Variants in GPM6A observed in about 807,000 individuals in gnomAD.
GPM6A encodes the protein neuronal membrane glycoprotein M6-a.
In GPM6A, 7 loss-of-function variants were observed where a neutral mutation model predicts 32.1. The ratio of observed to expected loss-of-function variants is 0.22; its 90% confidence interval spans 0.12 to 0.41. GPM6A has a LOEUF of 0.41. Ranked by LOEUF, GPM6A falls within the 10% of genes least tolerant of loss-of-function variation. GPM6A has a pLI of 1.00. For missense variants in GPM6A, 235 were observed against 347.2 expected, an observed-to-expected ratio of 0.68 and a Z score of 2.57; for synonymous variants, 130 against 123.4, an observed-to-expected ratio of 1.05 and a Z score of -0.35.
chr4:175,694,010 G>A (rs66490831), intron 2 of GPM6A, among the ~76,000 whole-genome samples: 8,480 of 152,154 alleles, frequency 0.056, 290 homozygotes, highest in Non-Finnish European at 0.075. Flanking sequence ...TGCTCTGGCC[G>A]TGTAAGATAG....
intron 1 of GPM6A, among the ~76,000 whole-genome samples, chr4:175,914,557 A>T (rs113501334): frequency 1.3e-5 from 2 of 152,200 alleles, no homozygotes; most frequent in African/African-American, 4.8e-5. Context: ...TCCTGATCTC[A>T]AGTGATCTGC....
rs1326390233 is a variant in GPM6A at position 175,632,950 on chromosome 4, A to G, written c.*1955T>C. On this transcript the variant is annotated 3_prime_UTR_variant, in exon 7 of 7. Coordinates refer to ENST00000393658, the MANE Select transcript of GPM6A (RefSeq NM_201591.3). ...CACTGCAGAAGCTAATAATAAGTACACAAAGTACACAAGTGTATTTATTAC... is the reference window on the plus strand; with the variant it reads ...CACTGCAGAAGCTAATAATAAGTACGCAAAGTACACAAGTGTATTTATTAC... 1 of 152,380 alleles carries G rather than the reference A, an allele frequency of 6.6e-6. No homozygotes were observed. The highest frequency in any genetic ancestry group is 2.4e-5 in the African/African-American group (1 of 41,446). The allele number at this position is 152,380 out of a possible 1,614,324, so 9.4% of individuals were successfully genotyped here. A position where few individuals can be genotyped will look rare whatever the true frequency, so the allele number is the denominator to read the frequency against.
intron 1 of GPM6A, among the ~76,000 whole-genome samples, chr4:175,860,102 T>C (rs1258715741): frequency 3.3e-5 from 5 of 151,370 alleles, no homozygotes; most frequent in African/African-American, 7.3e-5. Flanking sequence ...AGAAGAAAGA[T>C]CTAAAATAAA....
At chr4:175,678,941 G>A (rs1292243711) in intron 2 of GPM6A, among the ~76,000 whole-genome samples, 1 of 152,080 alleles carries the variant, frequency 6.6e-6, no homozygotes, top group Non-Finnish European at 1.5e-5. Context: ...TTACTTGATT[G>A]TTTTCTCTGG....
intron 1 of GPM6A, among the ~76,000 whole-genome samples, chr4:175,838,139 ACG>A (rs903365315): frequency 8.4e-5 from 12 of 142,960 alleles, no homozygotes; most frequent in South Asian, 4.7e-4. Context: ...ACACACACAC[ACG>A]CACCCCTGTA....
At chr4:175,804,554 T>A (rs956710858) in intron 1 of GPM6A, among the ~76,000 whole-genome samples, 1 of 152,232 alleles carries the variant, frequency 6.6e-6, no homozygotes, top group African/African-American at 2.4e-5. Context: ...TAATCAATAT[T>A]TATTAACTAG....
intron 1 of GPM6A, among the ~76,000 whole-genome samples, chr4:175,879,721 CA>C (rs2111454806): frequency 6.6e-6 from 1 of 152,134 alleles, no homozygotes; most frequent in Admixed American, 6.6e-5. Flanking sequence ...AAATAGTAGG[CA>C]AAATGGCCTT....
At chr4:175,864,640 C>T (rs1736674905) in intron 1 of GPM6A, among the ~76,000 whole-genome samples, 2 of 152,066 alleles carry the variant, frequency 1.3e-5, no homozygotes, top group South Asian at 4.1e-4. Context: ...TTTTTAAATT[C>T]GATTAATTCC....
chr4:175,706,903 C>T (rs754037673), intron 1 of GPM6A, among the ~76,000 whole-genome samples: 1 of 152,166 alleles, frequency 6.6e-6, no homozygotes, highest in Non-Finnish European at 1.5e-5. Flanking sequence ...TCTGGTCATC[C>T]TCATGGGTCA....
At chr4:175,648,701 C>T (rs963360606) in intron 4 of GPM6A, among the ~76,000 whole-genome samples, 9 of 152,154 alleles carry the variant, frequency 5.9e-5, no homozygotes, top group Non-Finnish European at 1.3e-4. Flanking sequence ...ACCCACATGC[C>T]TTGGCTCTTG....
intron 1 of GPM6A, among the ~76,000 whole-genome samples, chr4:175,702,429 CGTAA>C (rs1204387579): frequency 1.3e-5 from 2 of 152,150 alleles, no homozygotes; most frequent in African/African-American, 2.4e-5. Context: ...ATTCTTTTTA[CGTAA>C]GTGTGTTTTT....
chr4:175,799,584 G>A (rs891027903), intron 1 of GPM6A, among the ~76,000 whole-genome samples: 18 of 151,986 alleles, frequency 1.2e-4, no homozygotes, highest in African/African-American at 4.3e-4. Flanking sequence ...AAGTAAAAAT[G>A]GAAATATTGG....
At chr4:175,985,513 C>T (rs1429002238) in intron 1 of GPM6A, among the ~76,000 whole-genome samples, 2 of 152,046 alleles carry the variant, frequency 1.3e-5, no homozygotes, top group African/African-American at 4.8e-5. Flanking sequence ...TTGATTAATG[C>T]CAAATTTGCC....
At chr4:175,829,060 A>G (rs1041758661) in intron 1 of GPM6A, among the ~76,000 whole-genome samples, 1 of 152,128 alleles carries the variant, frequency 6.6e-6, no homozygotes, top group Non-Finnish European at 1.5e-5. Context: ...AGTAGCTGGA[A>G]CTACAAGCAT....
At chr4:175,708,153 A>G (rs1377460219) in intron 1 of GPM6A, among the ~76,000 whole-genome samples, 1 of 152,184 alleles carries the variant, frequency 6.6e-6, no homozygotes, top group Non-Finnish European at 1.5e-5. Context: ...GGTGCAAGCA[A>G]GATTATAAAC....
At chr4:175,819,512 G>A (rs543727995) in intron 1 of GPM6A, among the ~76,000 whole-genome samples, 1 of 152,204 alleles carries the variant, frequency 6.6e-6, no homozygotes, top group East Asian at 1.9e-4. Context: ...CATGTGTGAG[G>A]CATTGTTCTA....
chr4:175,634,190 G>A lies in GPM6A; in HGVS notation c.*715C>T, dbSNP rs1018811182. The A allele has an allele frequency of 3.3e-5, 5 of 152,544 alleles. No homozygotes were observed. The highest frequency in any genetic ancestry group is 4.8e-5 in the African/African-American group (2 of 41,440). 9.4% of individuals were successfully genotyped at this position (152,544 alleles called of 1,614,324 possible). A position where few individuals can be genotyped will look rare whatever the true frequency, so the allele number is the denominator to read the frequency against. On this transcript the variant is annotated 3_prime_UTR_variant, in exon 7 of 7. Transcript: ENST00000393658. ...CAATCTTAAAAAGGCAACTAGCCAT[G>A]CATTAGCATTACTGTTTCTACATGC...
chr4:175,930,441 T>TGGGG, intron 1 of GPM6A, among the ~76,000 whole-genome samples: 5 of 95,178 alleles, frequency 5.3e-5, no homozygotes, highest in African/African-American at 1.6e-4. Context: ...GGGGTTTTTT[T>TGGGG]GTTGTTGTTT....
intron 1 of GPM6A, among the ~76,000 whole-genome samples, chr4:175,989,125 T>C (rs1215114694): frequency 6.6e-6 from 1 of 152,142 alleles, no homozygotes; most frequent in Non-Finnish European, 1.5e-5. Flanking sequence ...CACATATCAA[T>C]TAAAGAAGGC....
Sources: allele counts gnomAD v4.1 joint callset (sites outside exome capture counted in the v4.1 genomes callset), GRCh38; gene constraint gnomAD v4.1.1; transcripts MANE v1.5; gene names NCBI Gene and HGNC (gene_info 2026-07-23, HGNC 2026-07-21).